MAPK14: variants seen among roughly 807,000 people sequenced by gnomAD.
MAPK14 encodes mitogen-activated protein kinase 14, also known as CSAID-binding protein.
In MAPK14, 16 loss-of-function variants were observed where a neutral mutation model predicts 49.6. That is an observed-to-expected ratio of 0.32 (90% CI 0.22 to 0.49). The LOEUF (loss-of-function observed/expected upper bound fraction) is 0.49. Among genes scored for constraint, MAPK14 ranks in the 20% least tolerant of loss-of-function variants. The pLI is 0.99. For synonymous variants in MAPK14, 142 were observed against 158.0 expected (o/e 0.90, Z 0.76); for missense variants, 200 against 441.2 (o/e 0.45, Z 4.90).
At chr6:36,076,299 C>CT (rs1353997491) in intron 7 of MAPK14, among the ~76,000 whole-genome samples, 1 of 152,128 alleles carries the variant, frequency 6.6e-6, no homozygotes, top group Non-Finnish European at 1.5e-5. Context: ...AAACTTGCCC[C>CT]TTTTTAAACA....
chr6:36,032,246 TAAGTA>T (rs1762572844), intron 1 of MAPK14, among the ~76,000 whole-genome samples: 2 of 152,196 alleles, frequency 1.3e-5, no homozygotes, highest in South Asian at 2.1e-4. Context: ...TAATTTATAC[TAAGTA>T]TAGTAAAAAA....
At chr6:36,030,686 C>CA (rs35145056) in intron 1 of MAPK14, among the ~76,000 whole-genome samples, 81,323 of 118,248 alleles carry the variant, frequency 0.69, 28,438 homozygotes, top group East Asian at 0.84. Context: ...GACGCCGTCT[C>CA]AAAAAAAAAA....
chr6:36,098,413 T>G (rs1332050055), intron 9 of MAPK14, among the ~76,000 whole-genome samples: 1 of 152,086 alleles, frequency 6.6e-6, no homozygotes, highest in Non-Finnish European at 1.5e-5. Context: ...TGGCTCACAT[T>G]TGTCATCACA....
At chr6:36,057,435 C>G (rs1763630985) in intron 2 of MAPK14, among the ~76,000 whole-genome samples, 1 of 152,158 alleles carries the variant, frequency 6.6e-6, no homozygotes, top group Admixed American at 6.5e-5. Context: ...TGGGTAAGAT[C>G]TGAAAGTGAT....
intron 3 of MAPK14, among the ~76,000 whole-genome samples, chr6:36,071,100 T>TGGTG (rs931892841): frequency 2.6e-5 from 4 of 151,812 alleles, no homozygotes; most frequent in African/African-American, 9.7e-5. Context: ...TGGGAGGCCA[T>TGGTG]GGTGGGTGGA....
At chr6:36,095,190 G>A (rs1765396155) in intron 8 of MAPK14, among the ~76,000 whole-genome samples, 1 of 152,186 alleles carries the variant, frequency 6.6e-6, no homozygotes, top group Non-Finnish European at 1.5e-5. Context: ...ATACATTGAA[G>A]TGTTAGCTAC....
intron 9 of MAPK14, among the ~76,000 whole-genome samples, chr6:36,100,767 T>C (rs1765608388): frequency 6.6e-6 from 1 of 152,214 alleles, no homozygotes; most frequent in African/African-American, 2.4e-5. Flanking sequence ...GTTAGGTACC[T>C]TCTTTATTAA....
intron 1 of MAPK14, among the ~76,000 whole-genome samples, chr6:36,041,919 A>C (rs1762975537): frequency 6.6e-6 from 1 of 152,206 alleles, no homozygotes; most frequent in Admixed American, 6.5e-5. Context: ...TGATGTGTAC[A>C]GAGAAGTGGA....
chr6:36,079,336 C>G (rs1016375644), intron 8 of MAPK14, among the ~76,000 whole-genome samples: 15 of 152,176 alleles, frequency 9.9e-5, no homozygotes, highest in African/African-American at 3.4e-4. Flanking sequence ...CTCATACCCT[C>G]TTCCTTCAGC....
In MAPK14 at chr6:36,109,285, G is replaced by A. The variant is rs576777615; in HGVS notation, c.*838G>A. The A allele has an allele frequency of 6.5e-6, 1 of 152,708 alleles. No individual in the cohort carries two copies. Among genetic ancestry groups the A allele is most frequent in the African/African-American group, 2.4e-5 (1 of 41,592 alleles). 9.5% of individuals were successfully genotyped at this position (152,708 alleles called of 1,614,324 possible). On this transcript the variant is annotated 3_prime_UTR_variant, in exon 12 of 12. Coordinates refer to ENST00000229794, the MANE Select transcript of MAPK14 (RefSeq NM_139012.3). ...GCTTACCCTTCACCTTTGGTGCAGA[G>A]GTTTCTTGAATATCTGCCCCAGTAG...
chr6:36,059,375 C>G, intron 3 of MAPK14, 28 bp downstream of exon 3: 1 of 1,534,928 alleles, frequency 6.5e-7, no homozygotes, highest in Non-Finnish European at 9.0e-7. Flanking sequence ...ATTTGCCTTC[C>G]TGGTCTACAG....
At chr6:36,041,479 A>C (rs1762959672) in intron 1 of MAPK14, among the ~76,000 whole-genome samples, 1 of 152,142 alleles carries the variant, frequency 6.6e-6, no homozygotes, top group African/African-American at 2.4e-5. Flanking sequence ...AGAATGACTG[A>C]TCCTTTGGAT....
intron 1 of MAPK14, among the ~76,000 whole-genome samples, chr6:36,048,093 G>C (rs1239522538): frequency 6.6e-6 from 1 of 151,662 alleles, no homozygotes; most frequent in East Asian, 1.9e-4. Context: ...TAAGGCTTGA[G>C]TGCAGTGATG....
chr6:36,071,201 CGAG>C (rs1196753213), intron 3 of MAPK14, among the ~76,000 whole-genome samples: 18 of 151,940 alleles, frequency 1.2e-4, no homozygotes, highest in African/African-American at 4.1e-4. Context: ...GGCATGGTGG[CGAG>C]TACCTGTAAT....
intron 9 of MAPK14, chr6:36,096,827 C>T (rs1765461574): frequency 1.3e-5 from 2 of 152,262 alleles, no homozygotes; most frequent in Admixed American, 1.3e-4. Flanking sequence ...GAATGTGAGT[C>T]TGGCTTACTT....
chr6:36,088,976 A>G (rs1049835224), intron 8 of MAPK14, among the ~76,000 whole-genome samples: 8 of 152,222 alleles, frequency 5.3e-5, no homozygotes. Context: ...AAATTAGTTC[A>G]ACCATTGTGG....
intron 8 of MAPK14, among the ~76,000 whole-genome samples, chr6:36,077,459 T>C (rs1562131837): frequency 1.3e-5 from 2 of 152,054 alleles, no homozygotes; most frequent in South Asian, 4.1e-4. Context: ...CTACCTCTGA[T>C]CTATTATGCC....
chr6:36,122,934 G>T, the MAPK14 span, among the ~76,000 whole-genome samples: 1 of 152,182 alleles, frequency 6.6e-6, no homozygotes, highest in African/African-American at 2.4e-5. Context: ...CACGCTTCAA[G>T]AATGTGGACG....
intron 3 of MAPK14, among the ~76,000 whole-genome samples, chr6:36,065,680 G>A (rs1764026089): frequency 6.6e-6 from 1 of 152,056 alleles, no homozygotes; most frequent in South Asian, 2.1e-4. Flanking sequence ...CTGGGAACTG[G>A]AAATGGGATT....
Sources: gnomAD v4.1 joint callset for allele counts (sites outside exome capture counted in the v4.1 genomes callset) on GRCh38, gnomAD v4.1.1 for gene constraint, MANE v1.5 for transcripts, NCBI Gene and HGNC (gene_info 2026-07-23, HGNC 2026-07-21) for gene names.